Variants in GFM1 observed in about 807,000 individuals in gnomAD.
The protein encoded by GFM1 is elongation factor G, mitochondrial.
A neutral mutation model predicts 96.2 loss-of-function variants in GFM1; 62 were observed. The observed-to-expected ratio is 0.64, with a 90% CI of 0.53 to 0.80. GFM1 has a LOEUF of 0.80. GFM1 is among the 30% of genes least tolerant of loss of function. GFM1 has a pLI of 0.00. For missense variants in GFM1, 852 were observed against 916.6 expected (o/e 0.93, Z 0.91); for synonymous variants, 282 against 312.9 (o/e 0.90, Z 1.04).
chr3:158,654,029 A>T (rs1722522224), intron 7 of GFM1, among the ~76,000 whole-genome samples: 1 of 151,912 alleles, frequency 6.6e-6, no homozygotes, highest in South Asian at 2.1e-4. Flanking sequence ...CTGAGATTGC[A>T]CCACTGCACT....
chr3:158,665,095 C>T (rs1293050326), intron 11 of GFM1, among the ~76,000 whole-genome samples: 9 of 152,120 alleles, frequency 5.9e-5, no homozygotes, highest in Non-Finnish European at 1.2e-4. Context: ...AAGTCTTGGA[C>T]TCTTGTTTTC....
intron 13 of GFM1, chr3:158,666,602 C>G: frequency 6.5e-7 from 1 of 1,529,260 alleles, no homozygotes; most frequent in Non-Finnish European, 9.0e-7. Context: ...AATTGGCATA[C>G]ACATCAATAG....
chr3:158,665,672 T>C lies in GFM1; in HGVS notation c.1518+198T>C, dbSNP rs1405750494. Among the ~76,000 whole-genome samples, 4 of 152,298 alleles carry C rather than the reference T, an allele frequency of 2.6e-5. No homozygotes were observed. The East Asian group carries it at 7.7e-4, about 29-fold the overall frequency. On this transcript the variant is annotated intron_variant, in intron 12 of 17. Transcript: ENST00000486715. ...TTTTCGATCTCTAAATCTTTTTATT[T>C]GTAAAACGTTCTGGACTCCTAGAAT...
chr3:158,677,636 C>T (rs979271248), intron 13 of GFM1, among the ~76,000 whole-genome samples: 3 of 152,184 alleles, frequency 2.0e-5, no homozygotes, highest in African/African-American at 7.2e-5. Context: ...TCCCAGGTAG[C>T]TGGGATTACA....
chr3:158,681,816 TAAGA>T (rs940189989), intron 13 of GFM1, among the ~76,000 whole-genome samples, 175 bp from the exon 14 acceptor site: 4 of 152,224 alleles, frequency 2.6e-5, no homozygotes, highest in African/African-American at 9.6e-5. Context: ...TCACTTCAAG[TAAGA>T]ACAGAAAACA....
At chr3:158,644,862 C>A in intron 1 of GFM1, 147 bp downstream of exon 1, 1 of 717,266 alleles carries the variant, frequency 1.4e-6, no homozygotes. Context: ...AAAAGCACCT[C>A]GGTGCCTGCA....
chr3:158,677,041 C>G (rs189624046), intron 13 of GFM1, among the ~76,000 whole-genome samples: 8 of 152,270 alleles, frequency 5.3e-5, no homozygotes, highest in African/African-American at 1.9e-4. Context: ...CTTCACATCT[C>G]TGTGTCACAT....
At chr3:158,664,087 G>A (rs1420347274) in intron 11 of GFM1, among the ~76,000 whole-genome samples, 2 of 152,190 alleles carry the variant, frequency 1.3e-5, no homozygotes, top group Non-Finnish European at 2.9e-5. Context: ...CCTGTAAAAT[G>A]TGGATAATTC....
At chr3:158,686,153 A>G (rs1053290084) in intron 15 of GFM1, among the ~76,000 whole-genome samples, 2 of 148,984 alleles carry the variant, frequency 1.3e-5, no homozygotes, top group Non-Finnish European at 3.0e-5. Flanking sequence ...GATATATATA[A>G]TATGTTATAT....
chr3:158,687,051 G>A (rs1725922378), intron 15 of GFM1, among the ~76,000 whole-genome samples: 1 of 152,084 alleles, frequency 6.6e-6, no homozygotes, highest in African/African-American at 2.4e-5. Context: ...CACCCAGGCT[G>A]GAGTGCAGTG....
rs1185978108 is a variant in GFM1, at chr3:158,692,009, A to G, written c.*542A>G. On this transcript the variant is annotated 3_prime_UTR_variant, in exon 18 of 18. Transcript: ENST00000486715. ...TGCTGAAGACTTGAAAGTGAATCGC[A>G]TATATCATGACACTTCTTGGAGTGT... 3 of 156,886 alleles carry G rather than the reference A, an allele frequency of 1.9e-5. No homozygotes were observed. The highest frequency in any genetic ancestry group is 3.8e-4 in the South Asian group (2 of 5,248). 9.7% of individuals were successfully genotyped at this position (156,886 alleles called of 1,614,324 possible).
Position 158,660,908 on chromosome 3 carries a change from C to T in GFM1, c.1256C>T (p.Ala419Val), listed in dbSNP as rs1314322801. 3.1e-6 allele frequency: 5 copies of T among 1,613,966 alleles called. No individual in the cohort carries two copies. The highest frequency in any genetic ancestry group is 3.3e-5 in the Admixed American group (2 of 60,016). ...VEEVYAGDICALFGIDCASGD... is the reference protein window; with the variant it reads ...VEEVYAGDICVLFGIDCASGD... ...GAAGTATATGCCGGAGACATCTGTG[C>T]ATTGTTTGGCATTGACTGTGCTAGT... is the stretch of plus-strand genomic sequence containing the variant. The change falls in exon 10 of 18, where the codon GCA (alanine) becomes GTA (valine). Residue 419 changes from alanine to valine, a missense_variant. Physicochemically the swap from Ala to Val is moderately conservative, Grantham distance 64 (BLOSUM62 0). Coordinates refer to ENST00000486715, the MANE Select transcript of GFM1 (RefSeq NM_024996.7).
At chr3:158,672,541 G>A (rs1724444127) in intron 13 of GFM1, 13 of 1,597,662 alleles carry the variant, frequency 8.1e-6, no homozygotes, top group Middle Eastern at 3.4e-4. Flanking sequence ...GTAGCAGAGC[G>A]CCGCCCGTCC....
At chr3:158,649,524 G>C in intron 5 of GFM1, 1 of 202,812 alleles carries the variant, frequency 4.9e-6, no homozygotes, top group South Asian at 9.0e-5. Context: ...GCCAGGTCTG[G>C]GGTATTGTGA....
chr3:158,661,113 T>C, intron 10 of GFM1, 138 bp downstream of exon 10: 1 of 718,010 alleles, frequency 1.4e-6, no homozygotes, highest in Non-Finnish European at 2.5e-6. Flanking sequence ...GTTGTGGCTC[T>C]TTGAATGTTG....
intron 14 of GFM1, 60 bp downstream of exon 14, chr3:158,682,217 T>G (rs1002069480): frequency 1.5e-6 from 2 of 1,352,648 alleles, no homozygotes; most frequent in Middle Eastern, 1.9e-4. Flanking sequence ...TATCAGGTAT[T>G]AAATCATACT....
Position 158,644,851 on chromosome 3 carries a change from G to T in GFM1, c.81+136G>T. 11 of 755,248 alleles carry T rather than the reference G, an allele frequency of 1.5e-5. No homozygotes were observed. In the South Asian group the frequency reaches 1.7e-4, roughly 11 times the overall value. 46.8% of individuals were successfully genotyped at this position (755,248 alleles called of 1,614,324 possible). A position where few individuals can be genotyped will look rare whatever the true frequency, so the allele number is the denominator to read the frequency against. Reference sequence around the variant, plus strand: ...ATACTGGCAGTCGCTCGTCAGTGCTGAAAAGCACCTCGGTGCCTGCACATT... The same window carrying T: ...ATACTGGCAGTCGCTCGTCAGTGCTTAAAAGCACCTCGGTGCCTGCACATT... On this transcript the variant is annotated intron_variant, in intron 1 of 17. Coordinates refer to ENST00000486715, the MANE Select transcript of GFM1 (RefSeq NM_024996.7).
chr3:158,662,796 A>G (rs570048405), intron 11 of GFM1, 112 bp downstream of exon 11: 3 of 756,090 alleles, frequency 4.0e-6, no homozygotes, highest in East Asian at 2.5e-5. Context: ...TATGGTCTCT[A>G]TTTCCTCTGT....
intron 13 of GFM1, chr3:158,670,828 G>A (rs1370217768): frequency 8.0e-7 from 1 of 1,245,712 alleles, no homozygotes; most frequent in East Asian, 3.5e-5. Flanking sequence ...AGCTATTTGG[G>A]GAGGCTGAGG....
Sources: gnomAD v4.1 joint callset for allele counts (sites outside exome capture counted in the v4.1 genomes callset) on GRCh38, gnomAD v4.1.1 for gene constraint, MANE v1.5 for transcripts, NCBI Gene and HGNC (gene_info 2026-07-23, HGNC 2026-07-21) for gene names.